The following PTPRT variants were observed in gnomAD, a reference collection of about 807,000 sequenced individuals.
The protein encoded by PTPRT is protein tyrosine phosphatase receptor type T.
A neutral mutation model predicts 176.8 loss-of-function variants in PTPRT; 56 were observed. That is an observed-to-expected ratio of 0.32 (90% CI 0.26 to 0.40). The LOEUF is 0.40. Ranked by LOEUF, PTPRT falls within the 10% of genes least tolerant of loss-of-function variation. PTPRT has a pLI of 1.00. For missense variants in PTPRT, 1,540 were observed against 1,908.2 expected (o/e 0.81, Z 3.60); for synonymous variants, 783 against 739.0 (o/e 1.06, Z -0.96).
chr20:42,496,599 T>G (rs1008095069), intron 7 of PTPRT, among the ~76,000 whole-genome samples: 3 of 152,078 alleles, frequency 2.0e-5, no homozygotes, highest in African/African-American at 7.2e-5. Flanking sequence ...GCTCCTGAAT[T>G]TCTCCAAGAT....
At chr20:42,062,136 A>T in the PTPRT span, among the ~76,000 whole-genome samples, 12 of 152,286 alleles carry the variant, frequency 7.9e-5, no homozygotes, top group African/African-American at 2.9e-4. Flanking sequence ...AGTTACTCAC[A>T]TTCCACTTCG....
the PTPRT span, among the ~76,000 whole-genome samples, chr20:42,047,257 G>C: frequency 6.6e-6 from 1 of 152,174 alleles, no homozygotes; most frequent in Non-Finnish European, 1.5e-5. Context: ...GGGTGAGGTA[G>C]GAGATAGCTA....
intron 23 of PTPRT, among the ~76,000 whole-genome samples, chr20:42,107,568 C>T (rs570273555): frequency 9.9e-4 from 151 of 152,320 alleles, no homozygotes; most frequent in South Asian, 1.7e-3. Context: ...GGGAACTCAA[C>T]GAGACTCTAT....
At chr20:42,705,847 A>G (rs962017399) in intron 6 of PTPRT, among the ~76,000 whole-genome samples, 2 of 152,186 alleles carry the variant, frequency 1.3e-5, no homozygotes, top group East Asian at 3.9e-4. Flanking sequence ...TGTCTGTCAC[A>G]TAATAATAAG....
chr20:42,499,577 A>G (rs1013277464), intron 7 of PTPRT, among the ~76,000 whole-genome samples: 3 of 152,300 alleles, frequency 2.0e-5, no homozygotes, highest in African/African-American at 4.8e-5. Context: ...GGCGTGAGCC[A>G]CCATGCCTGG....
At chr20:42,420,770 A>G (rs1466908689) in intron 9 of PTPRT, among the ~76,000 whole-genome samples, 3 of 152,112 alleles carry the variant, frequency 2.0e-5, no homozygotes, top group African/African-American at 7.2e-5. Flanking sequence ...AACCCCTACC[A>G]ACATGGGTCT....
chr20:43,038,536 A>G (rs1394461126), intron 1 of PTPRT, among the ~76,000 whole-genome samples: 1 of 152,234 alleles, frequency 6.6e-6, no homozygotes, highest in Non-Finnish European at 1.5e-5. Context: ...TTTCAGGAGC[A>G]TTATAATTAA....
intron 27 of PTPRT, among the ~76,000 whole-genome samples, chr20:42,086,751 A>ATATATATATATATATATATATATAT (rs58059394): frequency 3.1e-5 from 3 of 96,568 alleles, no homozygotes; most frequent in African/African-American, 4.9e-5. Flanking sequence ...AAAAAAAAAA[A>ATATATATATATATATATATATATAT]AAATATATAT....
At chr20:42,047,025 G>T in the PTPRT span, among the ~76,000 whole-genome samples, 1 of 152,228 alleles carries the variant, frequency 6.6e-6, no homozygotes, top group African/African-American at 2.4e-5. Flanking sequence ...GTTCTGCACT[G>T]TGCCATGTGG....
the PTPRT span, among the ~76,000 whole-genome samples, chr20:42,057,754 ATTTCTG>A: frequency 6.6e-6 from 1 of 151,738 alleles, no homozygotes; most frequent in African/African-American, 2.4e-5. Context: ...CACCTGGAAA[ATTTCTG>A]TAGAGATTGG....
chr20:42,947,677 T>C (rs889027845), intron 1 of PTPRT, among the ~76,000 whole-genome samples: 2 of 152,190 alleles, frequency 1.3e-5, no homozygotes, highest in Non-Finnish European at 2.9e-5. Context: ...TTGCTCCTTT[T>C]CTTTCCTCCC....
At chr20:42,571,768 G>A (rs973794069) in intron 7 of PTPRT, among the ~76,000 whole-genome samples, 1 of 152,038 alleles carries the variant, frequency 6.6e-6, no homozygotes, top group Non-Finnish European at 1.5e-5. Context: ...CACTGCCCCG[G>A]GGCAGTCATT....
At chr20:42,895,785 C>A (rs2079285395) in intron 1 of PTPRT, among the ~76,000 whole-genome samples, 5 of 152,130 alleles carry the variant, frequency 3.3e-5, no homozygotes, top group Admixed American at 2.0e-4. Flanking sequence ...AAAAACCATT[C>A]CTTATTTGTG....
chr20:42,633,949 T>TAG (rs2074491979), intron 7 of PTPRT, among the ~76,000 whole-genome samples: 1 of 44,544 alleles, frequency 2.2e-5, no homozygotes, highest in Non-Finnish European at 3.9e-5. Flanking sequence ...TAATATAATA[T>TAG]ATAATTATAT....
chr20:42,933,757 G>T (rs1382259170), intron 1 of PTPRT, among the ~76,000 whole-genome samples: 1 of 152,128 alleles, frequency 6.6e-6, no homozygotes, highest in African/African-American at 2.4e-5. Flanking sequence ...ACTTTAAAAT[G>T]CAACTCAGTG....
At chr20:42,935,441 G>T (rs951622564) in intron 1 of PTPRT, among the ~76,000 whole-genome samples, 1 of 152,002 alleles carries the variant, frequency 6.6e-6, no homozygotes, top group Admixed American at 6.6e-5. Flanking sequence ...CACCTGGCCT[G>T]CCATAACTTA....
intron 1 of PTPRT, among the ~76,000 whole-genome samples, chr20:43,149,421 T>A (rs1300072401): frequency 3.3e-5 from 5 of 152,312 alleles, no homozygotes; most frequent in South Asian, 2.1e-4. Context: ...AAGGTAATTA[T>A]AACAGACAAT....
intron 1 of PTPRT, among the ~76,000 whole-genome samples, chr20:43,050,608 C>T (rs189135024): frequency 1.3e-3 from 192 of 152,318 alleles, no homozygotes; most frequent in Non-Finnish European, 2.5e-3. Context: ...TAAACATAAG[C>T]TCTGATCCTG....
intron 9 of PTPRT, among the ~76,000 whole-genome samples, chr20:42,433,219 T>G (rs2059231173): frequency 6.6e-6 from 1 of 152,142 alleles, no homozygotes; most frequent in African/African-American, 2.4e-5. Context: ...TCCCTGCAGA[T>G]ACTGCAACAC....
Sources: gnomAD v4.1 joint callset for allele counts (sites outside exome capture counted in the v4.1 genomes callset) on GRCh38, gnomAD v4.1.1 for gene constraint, MANE v1.5 for transcripts, NCBI Gene and HGNC (gene_info 2026-07-23, HGNC 2026-07-21) for gene names.